The following SEMA5A variants were observed in gnomAD, a reference collection of about 807,000 sequenced individuals.
SEMA5A encodes semaphorin-5A.
In SEMA5A, 55 loss-of-function variants were observed where a neutral mutation model predicts 135.5. The ratio of observed to expected loss-of-function variants is 0.41; its 90% CI spans 0.33 to 0.51. The LOEUF (loss-of-function observed/expected upper bound fraction) is 0.51. SEMA5A is among the 20% of genes least tolerant of loss of function. SEMA5A has a pLI of 0.37. For missense variants in SEMA5A, 1,290 were observed against 1,419.9 expected (o/e 0.91, Z 1.47); for synonymous variants, 580 against 546.5 (o/e 1.06, Z -0.85).
At chr5:9,258,579 G>A (rs968646798) in intron 5 of SEMA5A, among the ~76,000 whole-genome samples, 2 of 152,112 alleles carry the variant, frequency 1.3e-5, no homozygotes, top group Non-Finnish European at 2.9e-5. Flanking sequence ...AAAGAGCTGG[G>A]CTGAATCCTG....
intron 11 of SEMA5A, among the ~76,000 whole-genome samples, chr5:9,176,921 T>C (rs1008342275): frequency 6.6e-6 from 1 of 152,240 alleles, no homozygotes; most frequent in Non-Finnish European, 1.5e-5. Context: ...AGCAGAAATA[T>C]GTATCCTTAA....
chr5:9,046,285 C>G (rs985460388), intron 21 of SEMA5A, among the ~76,000 whole-genome samples: 5 of 152,200 alleles, frequency 3.3e-5, no homozygotes, highest in Non-Finnish European at 7.3e-5. Flanking sequence ...ATGTGCTGAG[C>G]ATCACTGTGA....
At chr5:9,203,773 T>C (rs984903272) in intron 8 of SEMA5A, among the ~76,000 whole-genome samples, 10 of 152,276 alleles carry the variant, frequency 6.6e-5, no homozygotes, top group East Asian at 1.9e-4. Context: ...TTATAAACCG[T>C]CCAACATATT....
intron 1 of SEMA5A, among the ~76,000 whole-genome samples, chr5:9,544,698 A>G (rs2126408647): frequency 6.6e-6 from 1 of 152,274 alleles, no homozygotes. Context: ...GTTAAATCCC[A>G]ACTCCGGCCG....
intron 1 of SEMA5A, among the ~76,000 whole-genome samples, chr5:9,522,315 G>A (rs952729847): frequency 6.6e-6 from 1 of 152,192 alleles, no homozygotes; most frequent in Non-Finnish European, 1.5e-5. Flanking sequence ...GGGAACGGTG[G>A]CTCACACCTG....
chr5:9,307,095 T>C (rs1218480239), intron 5 of SEMA5A, among the ~76,000 whole-genome samples: 1 of 152,158 alleles, frequency 6.6e-6, no homozygotes, highest in African/African-American at 2.4e-5. Flanking sequence ...TAACTGAGTA[T>C]TGCCAAAAAT....
chr5:9,466,001 G>T (rs1168642567), intron 1 of SEMA5A, among the ~76,000 whole-genome samples: 4 of 152,160 alleles, frequency 2.6e-5, no homozygotes, highest in African/African-American at 9.7e-5. Context: ...AATTCAGAGA[G>T]AAATTACAAG....
intron 1 of SEMA5A, among the ~76,000 whole-genome samples, chr5:9,506,559 G>A (rs189573647): frequency 1.3e-5 from 2 of 152,324 alleles, no homozygotes; most frequent in Admixed American, 1.3e-4. Context: ...GGTTGAAAGG[G>A]AAGGTCCTAG....
intron 16 of SEMA5A, among the ~76,000 whole-genome samples, chr5:9,070,322 C>T (rs1561123165): frequency 6.6e-6 from 1 of 152,032 alleles, no homozygotes; most frequent in South Asian, 2.1e-4. Context: ...AGTGAGCCGA[C>T]ATTGTGCCAC....
At chr5:9,225,638 A>C (rs540049463) in intron 7 of SEMA5A, among the ~76,000 whole-genome samples, 5 of 152,058 alleles carry the variant, frequency 3.3e-5, no homozygotes, top group South Asian at 4.1e-4. Context: ...GAATAGCCCC[A>C]AAAAATGTGT....
intron 8 of SEMA5A, among the ~76,000 whole-genome samples, chr5:9,214,305 C>T (rs565248390): frequency 3.9e-5 from 6 of 152,198 alleles, no homozygotes; most frequent in Admixed American, 1.3e-4. Context: ...TTCCAGAGCT[C>T]GGGCCAGGCC....
chr5:9,155,828 A>C (rs1253073326), intron 11 of SEMA5A, among the ~76,000 whole-genome samples: 2 of 152,208 alleles, frequency 1.3e-5, no homozygotes, highest in African/African-American at 4.8e-5. Flanking sequence ...TGTGTTTAAA[A>C]AAATACATAA....
intron 8 of SEMA5A, among the ~76,000 whole-genome samples, chr5:9,208,395 G>A (rs1031222172): frequency 2.0e-5 from 3 of 152,180 alleles, no homozygotes; most frequent in South Asian, 4.1e-4. Context: ...GGCTGTCCTG[G>A]GCACTGGGTG....
At chr5:9,304,537 T>C (rs1038101273) in intron 5 of SEMA5A, among the ~76,000 whole-genome samples, 8 of 152,134 alleles carry the variant, frequency 5.3e-5, no homozygotes, top group African/African-American at 1.7e-4. Flanking sequence ...GAAAGCCCTC[T>C]ATGTCATACA....
intron 1 of SEMA5A, among the ~76,000 whole-genome samples, chr5:9,441,327 G>A (rs1758224580): frequency 6.6e-6 from 1 of 152,166 alleles, no homozygotes; most frequent in South Asian, 2.1e-4. Context: ...AGATAAGGAG[G>A]ATATTAAAAG....
intron 11 of SEMA5A, among the ~76,000 whole-genome samples, chr5:9,176,846 G>T (rs1156901395): frequency 2.0e-5 from 3 of 152,216 alleles, no homozygotes; most frequent in African/African-American, 7.2e-5. Context: ...CTGGTATTCA[G>T]GTCAGACTCT....
intron 19 of SEMA5A, among the ~76,000 whole-genome samples, chr5:9,053,658 T>C (rs540101585): frequency 1.3e-5 from 2 of 152,062 alleles, no homozygotes; most frequent in Non-Finnish European, 1.5e-5. Flanking sequence ...CCAGACTCCA[T>C]GGGGGGCACT....
chr5:9,232,673 A>G lies in SEMA5A; in HGVS notation c.333+5155T>C, dbSNP rs1747700123. On this transcript the variant is annotated intron_variant, in intron 6 of 22. Transcript: ENST00000382496. ...ATATATAAAATATACTATACTGTAT[A>G]TATGTACATACTCTATTTTCAACTG... Among the ~76,000 whole-genome samples the G allele has an allele frequency of 9.8e-5, 15 of 152,338 alleles. No individual in the cohort carries two copies. In the South Asian group the frequency reaches 3.1e-3, roughly 32 times the overall value.
intron 17 of SEMA5A, among the ~76,000 whole-genome samples, chr5:9,063,534 G>A (rs750669434): frequency 1.3e-5 from 2 of 152,166 alleles, no homozygotes; most frequent in Non-Finnish European, 2.9e-5. Flanking sequence ...ACATAATTCA[G>A]ACATTTTCTA....
Sources: gnomAD v4.1 joint callset for allele counts (sites outside exome capture counted in the v4.1 genomes callset) on GRCh38, gnomAD v4.1.1 for gene constraint, MANE v1.5 for transcripts, NCBI Gene and HGNC (gene_info 2026-07-23, HGNC 2026-07-21) for gene names.